The following KCNK1 variants were observed in gnomAD, a reference collection of about 807,000 sequenced individuals.
KCNK1 encodes potassium channel subfamily K member 1.
Under a neutral mutation model 22.2 loss-of-function variants are expected in KCNK1, and 10 were observed. That is an observed-to-expected ratio of 0.45 (90% CI 0.28 to 0.76). The LOEUF is 0.76. KCNK1 is among the 30% of genes least tolerant of loss of function. The pLI is 0.14. For synonymous variants in KCNK1, 200 were observed against 186.4 expected (o/e 1.07, Z -0.60); for missense variants, 378 against 421.0 (o/e 0.90, Z 0.89).
chr1:233,658,645 C>G (rs919323928), intron 1 of KCNK1, among the ~76,000 whole-genome samples: 1 of 152,264 alleles, frequency 6.6e-6, no homozygotes, highest in South Asian at 2.1e-4. Flanking sequence ...GTGTGAACAA[C>G]GTAGAGTGTA....
At chr1:233,637,947 C>G (rs1657931977) in intron 1 of KCNK1, among the ~76,000 whole-genome samples, 1 of 151,218 alleles carries the variant, frequency 6.6e-6, no homozygotes, top group African/African-American at 2.4e-5. Flanking sequence ...TACTATTTAT[C>G]ATGCAATTTA....
At chr1:233,642,366 GA>G (rs35340008) in intron 1 of KCNK1, among the ~76,000 whole-genome samples, 2 of 152,342 alleles carry the variant, frequency 1.3e-5, no homozygotes, top group East Asian at 3.9e-4. Context: ...CGGGAGGTGA[GA>G]AAAGGAACTG....
chr1:233,657,070 G>A (rs944721958), intron 1 of KCNK1, among the ~76,000 whole-genome samples: 1 of 152,112 alleles, frequency 6.6e-6, no homozygotes, highest in African/African-American at 2.4e-5. Flanking sequence ...AATATTAAAG[G>A]GAAATCTTGC....
chr1:233,651,331 T>C (rs1658199096), intron 1 of KCNK1, among the ~76,000 whole-genome samples: 1 of 152,218 alleles, frequency 6.6e-6, no homozygotes, highest in Non-Finnish European at 1.5e-5. Context: ...TACAGTATAA[T>C]AACTTTTAAA....
At chr1:233,634,356 A>G (rs372742452) in intron 1 of KCNK1, among the ~76,000 whole-genome samples, 23 of 152,176 alleles carry the variant, frequency 1.5e-4, no homozygotes, top group African/African-American at 5.3e-4. Context: ...ACATTTTGGT[A>G]TAGCTTTTCA....
intron 1 of KCNK1, among the ~76,000 whole-genome samples, chr1:233,627,011 A>ATT (rs144848925): frequency 6.6e-6 from 1 of 150,812 alleles, no homozygotes; most frequent in East Asian, 1.9e-4. Context: ...GTAAAACATG[A>ATT]TTTTTTTTTT....
At chr1:233,639,745 A>G (rs1053123289) in intron 1 of KCNK1, among the ~76,000 whole-genome samples, 10 of 152,162 alleles carry the variant, frequency 6.6e-5, no homozygotes, top group Non-Finnish European at 1.2e-4. Context: ...TGAACGTGGC[A>G]TTGTGGTTTG....
chr1:233,630,135 A>G (rs1485609694), intron 1 of KCNK1, among the ~76,000 whole-genome samples: 1 of 152,120 alleles, frequency 6.6e-6, no homozygotes, highest in Non-Finnish European at 1.5e-5. Flanking sequence ...TAAAATGATG[A>G]GTAACCTCTC....
chr1:233,639,800 A>G lies in KCNK1; in HGVS notation c.355+25274A>G, dbSNP rs111798887. 7.5e-3 allele frequency among the ~76,000 whole-genome samples: 1,140 copies of G among 152,274 alleles called. 10 individuals carry two copies. Among genetic ancestry groups the G allele is most frequent in the South Asian group, 0.018 (88 of 4,826 alleles). ...TTTTGTACTCCTGGCATTTATCCGG[A>G]GAGCTCCTTCCTGCAGAGTGCCTGA... On this transcript the variant is annotated intron_variant, in intron 1 of 2. Transcript: ENST00000366621.
chr1:233,615,716 A>G (rs750458811), intron 1 of KCNK1, among the ~76,000 whole-genome samples: 2 of 148,196 alleles, frequency 1.3e-5, no homozygotes, highest in Non-Finnish European at 3.0e-5. Flanking sequence ...GTGACTCCCA[A>G]CTCTTCCTTC....
chr1:233,656,571 A>G (rs1658301041), intron 1 of KCNK1, among the ~76,000 whole-genome samples: 1 of 152,154 alleles, frequency 6.6e-6, no homozygotes, highest in Admixed American at 6.5e-5. Context: ...ATTTCATGTG[A>G]TCAGCTTTCA....
rs116508731 is a variant in KCNK1 at position 233,618,187 on chromosome 1, G to A, written c.355+3661G>A. On this transcript the variant is annotated intron_variant, in intron 1 of 2. Transcript: ENST00000366621. ...TTCTGCTGTTTTCTCAAATGCTAAGGTGCCCTGTTTGGGGGTCGCATGCCC... is the reference window on the plus strand; with the variant it reads ...TTCTGCTGTTTTCTCAAATGCTAAGATGCCCTGTTTGGGGGTCGCATGCCC... Among the ~76,000 whole-genome samples, 612 of 152,268 alleles carry A rather than the reference G, an allele frequency of 4.0e-3. 2 individuals carry two copies. Among genetic ancestry groups the A allele is most frequent in the South Asian group, 0.021 (100 of 4,816 alleles).
chr1:233,650,238 G>A (rs1258204716), intron 1 of KCNK1, among the ~76,000 whole-genome samples: 1 of 152,084 alleles, frequency 6.6e-6, no homozygotes, highest in Non-Finnish European at 1.5e-5. Flanking sequence ...TTGAGAGAGC[G>A]CATTTGGATT....
intron 2 of KCNK1, among the ~76,000 whole-genome samples, chr1:233,669,437 G>C (rs1658557740): frequency 6.6e-6 from 1 of 152,176 alleles, no homozygotes; most frequent in African/African-American, 2.4e-5. Context: ...TCAAGAACCT[G>C]AGTATCTAAC....
chr1:233,649,878 T>G (rs1658168741), intron 1 of KCNK1: 2 of 502,386 alleles, frequency 4.0e-6, no homozygotes, highest in Admixed American at 4.3e-5. Flanking sequence ...AATGGATATC[T>G]TTAAGAACAG....
Position 233,614,544 on chromosome 1 carries a change from C to T in KCNK1, c.355+18C>T, listed in dbSNP as rs754453942. 4 of 1,533,500 alleles carry T rather than the reference C, an allele frequency of 2.6e-6. No individual in the cohort carries two copies. The highest frequency in any genetic ancestry group is 1.9e-5 in the Admixed American group (1 of 52,866). 95.0% of individuals were successfully genotyped at this position (1,533,500 alleles called of 1,614,324 possible). On this transcript the variant is annotated intron_variant, in intron 1 of 2. Coordinates refer to ENST00000366621, the MANE Select transcript of KCNK1 (RefSeq NM_002245.4). ...CACCACAGGTAGGGTATCCTGCGCG[C>T]CCCCTGGCCGCCCCGGCCACCTCGC...
intron 1 of KCNK1, among the ~76,000 whole-genome samples, chr1:233,620,197 G>A (rs982226538): frequency 1.1e-4 from 16 of 152,298 alleles, no homozygotes; most frequent in South Asian, 2.1e-4. Context: ...ACTGCTTAGC[G>A]GCTAAGGTGG....
chr1:233,666,654 G>A lies in KCNK1; in HGVS notation c.415G>A (p.Val139Ile), dbSNP rs767247742. ...TAAGGCCTTCTGCATCATCTACTCC[G>A]TCATTGGCATTCCCTTCACCCTCCT... is the stretch of plus-strand genomic sequence containing the variant. ...GGKAFCIIYS[V>I]IGIPFTLLFL... Residue 139 changes from valine to isoleucine, a missense_variant, in exon 2 of 3, where the codon GTC becomes ATC. By Grantham distance (29) the Val-to-Ile change is conservative. Transcript: ENST00000366621. 1.5e-4 allele frequency: 238 copies of A among 1,613,994 alleles called. No homozygotes were observed. Among genetic ancestry groups the A allele is most frequent in the Non-Finnish European group, 1.8e-4 (207 of 1,179,982 alleles).
intron 2 of KCNK1, among the ~76,000 whole-genome samples, chr1:233,667,554 C>T (rs1658517788): frequency 6.6e-6 from 1 of 151,540 alleles, no homozygotes; most frequent in South Asian, 2.1e-4. Flanking sequence ...CACGGTGAAA[C>T]CCCGTCTGTA....
Sources: allele counts gnomAD v4.1 joint callset (sites outside exome capture counted in the v4.1 genomes callset), GRCh38; gene constraint gnomAD v4.1.1; transcripts MANE v1.5; gene names NCBI Gene and HGNC (gene_info 2026-07-23, HGNC 2026-07-21).